Variants in MCF2L observed in about 807,000 individuals in gnomAD.
MCF2L encodes MCF.2 cell line derived transforming sequence like.
MCF2L carries 97 observed loss-of-function variants against 153.4 expected under a neutral mutation model. That is an observed-to-expected ratio of 0.63 (90% CI 0.54 to 0.75). MCF2L has a LOEUF of 0.75. MCF2L is among the 30% of genes least tolerant of loss of function. The pLI, the probability that MCF2L is intolerant of heterozygous loss-of-function variation, is 0.00. For synonymous variants in MCF2L, 659 were observed against 632.2 expected (o/e 1.04, Z -0.64); for missense variants, 1,347 against 1,495.2 (o/e 0.90, Z 1.64).
intron 2 of MCF2L, among the ~76,000 whole-genome samples, chr13:113,022,186 G>A (rs2084923093): frequency 6.6e-6 from 1 of 152,164 alleles, no homozygotes; most frequent in Admixed American, 6.5e-5. Flanking sequence ...CCAGTGCTGA[G>A]AGGGAGCCAC....
At chr13:112,914,272 G>C (rs1238441928) in intron 2 of MCF2L, among the ~76,000 whole-genome samples, 4 of 151,998 alleles carry the variant, frequency 2.6e-5, no homozygotes, top group African/African-American at 9.7e-5. Flanking sequence ...CTCCTTTTTT[G>C]TACAAAAGGT....
intron 9 of MCF2L, among the ~76,000 whole-genome samples, chr13:113,073,990 C>T (rs1030895978): frequency 1.3e-5 from 2 of 152,158 alleles, no homozygotes; most frequent in Non-Finnish European, 2.9e-5. Context: ...CAGCAGAAAT[C>T]GTAGACATTA....
At chr13:112,934,249 C>CA (rs1053726618) in intron 2 of MCF2L, among the ~76,000 whole-genome samples, 21 of 152,230 alleles carry the variant, frequency 1.4e-4, no homozygotes, top group African/African-American at 5.1e-4. Flanking sequence ...CAGCAGCCTG[C>CA]AGGGCACACG....
At chr13:113,043,196 C>A (rs937041963) in intron 3 of MCF2L, 3 of 152,264 alleles carry the variant, frequency 2.0e-5, no homozygotes, top group Non-Finnish European at 4.4e-5. Flanking sequence ...TGAGCCCCTC[C>A]CGCCCAACAC....
At chr13:113,092,251 C>T (rs1223698819) in intron 26 of MCF2L, among the ~76,000 whole-genome samples, 4 of 152,252 alleles carry the variant, frequency 2.6e-5, no homozygotes, top group African/African-American at 9.6e-5. Flanking sequence ...CCAAGCTCAG[C>T]CTCTGCTTCC....
At position 112,983,213 on chromosome 13, in the gene MCF2L, GT is replaced by G. The variant is rs1003249721; in HGVS notation, c.79+13757del. 6.6e-6 allele frequency among the ~76,000 whole-genome samples: 1 copy of G among 152,144 alleles called. No homozygotes were observed. Among genetic ancestry groups the G allele is most frequent in the Non-Finnish European group, 1.5e-5 (1 of 68,006 alleles). On this transcript the variant is annotated intron_variant, in intron 1 of 29. Transcript: ENST00000535094. The surrounding 1 kb of genome is among the most constrained non-coding windows in gnomAD (Gnocchi z 4.0). ...CCCCTCACACAGGTCTAGGTTGCAG[GT>G]TCATGGCAGCTGGGTAGGGACGGGA... is the stretch of plus-strand genomic sequence containing the variant.
chr13:113,043,820 C>G (rs945454727), intron 3 of MCF2L: 1 of 152,320 alleles, frequency 6.6e-6, no homozygotes. Context: ...ACCTCAGACT[C>G]CCCAGTAGCT....
chr13:113,084,820 G>T, intron 18 of MCF2L, 72 bp from the exon 19 acceptor site: 1 of 1,162,250 alleles, frequency 8.6e-7, no homozygotes, highest in Non-Finnish European at 1.3e-6. Context: ...GCGTAATGCG[G>T]TGCCCGTCCC....
intron 1 of MCF2L, chr13:113,001,924 G>C: frequency 6.3e-7 from 1 of 1,594,550 alleles, no homozygotes; most frequent in Non-Finnish European, 8.5e-7. Context: ...ACGGTGCGCC[G>C]GCTGTCACTG....
In MCF2L at chr13:113,085,916, C is replaced by G. The variant is rs143776726; in HGVS notation, c.2248-208C>G. 3.1e-3 allele frequency among the ~76,000 whole-genome samples: 473 copies of G among 150,990 alleles called. 5 individuals carry two copies. The highest frequency in any genetic ancestry group is 0.011 in the African/African-American group (445 of 41,116). On this transcript the variant is annotated intron_variant, in intron 20 of 29. Transcript: ENST00000535094. ...GAGGGAGCTCCCCGGGGAGCAGGTG[C>G]CAAGGGTCTGCACCTGGCAGGGGTG... is the stretch of plus-strand genomic sequence containing the variant.
At chr13:113,023,447 C>T (rs1364446437) in intron 2 of MCF2L, among the ~76,000 whole-genome samples, 2 of 152,074 alleles carry the variant, frequency 1.3e-5, no homozygotes, top group Non-Finnish European at 2.9e-5. Flanking sequence ...TGGCCAAGAC[C>T]CAGAAGCAGA....
At chr13:113,089,967 G>T in intron 26 of MCF2L, 1 of 1,597,682 alleles carries the variant, frequency 6.3e-7, no homozygotes. Context: ...TCGGCCGAGC[G>T]TGCAACCCGG....
At chr13:112,984,123 C>T (rs1045795616) in intron 1 of MCF2L, among the ~76,000 whole-genome samples, 23 of 152,324 alleles carry the variant, frequency 1.5e-4, no homozygotes, top group African/African-American at 4.1e-4. Flanking sequence ...GCAGCACCCT[C>T]GCCGGGTGCC....
rs553637590 is a variant in MCF2L at position 112,993,024 on chromosome 13, C to T, written c.80-21739C>T. Among the ~76,000 whole-genome samples, 60 of 152,362 alleles carry T rather than the reference C, an allele frequency of 3.9e-4. No individual in the cohort carries two copies. Among genetic ancestry groups the T allele is most frequent in the Non-Finnish European group, 6.8e-4 (46 of 68,040 alleles). On this transcript the variant is annotated intron_variant, in intron 1 of 29. Transcript: ENST00000535094. This position sits in a 1 kb window ranked among gnomAD's most constrained non-coding sequence, Gnocchi z 4.6. ...ACGTGCGCGGGCATCAGGCAGGAGTCCATGGGCCATGGGGGTGAGGAGAGA... is the reference window on the plus strand; with the variant it reads ...ACGTGCGCGGGCATCAGGCAGGAGTTCATGGGCCATGGGGGTGAGGAGAGA...
rs115827966 is a variant in MCF2L, at chr13:113,081,391, G to A, written c.1875+112G>A. On this transcript the variant is annotated intron_variant, in intron 16 of 29. Transcript: ENST00000535094. ...GCAGCCTGCTGTCCACCAAATGCATGTGAGAGAGCGCCCACAGCAGCCTGG... is the reference window on the plus strand; with the variant it reads ...GCAGCCTGCTGTCCACCAAATGCATATGAGAGAGCGCCCACAGCAGCCTGG... 521 of 1,066,700 alleles carry A rather than the reference G, an allele frequency of 4.9e-4. 5 individuals carry two copies. In the African/African-American group the frequency reaches 7.1e-3, roughly 15 times the overall value. The allele number at this position is 1,066,700 out of a possible 1,614,324, so 66.1% of individuals were successfully genotyped here.
intron 1 of MCF2L, among the ~76,000 whole-genome samples, chr13:112,986,565 C>G (rs1186980187): frequency 6.6e-6 from 1 of 152,220 alleles, no homozygotes; most frequent in Non-Finnish European, 1.5e-5. Context: ...CCCGGGAGAC[C>G]ACGGGGTGTC....
At chr13:112,995,089 T>A (rs1424845390) in intron 1 of MCF2L, among the ~76,000 whole-genome samples, 1 of 152,232 alleles carries the variant, frequency 6.6e-6, no homozygotes, top group Non-Finnish European at 1.5e-5. Context: ...CTCACGTGTG[T>A]CTGCCCCTCC....
At chr13:113,084,650 C>T in intron 18 of MCF2L, 1 of 571,172 alleles carries the variant, frequency 1.8e-6, no homozygotes, top group East Asian at 2.9e-5. Context: ...CGCCTGTGCT[C>T]TGGGAAGTCA....
chr13:113,084,354 T>C (rs548581676), intron 18 of MCF2L, among the ~76,000 whole-genome samples: 5 of 42,698 alleles, frequency 1.2e-4, no homozygotes, highest in Non-Finnish European at 3.3e-4. Flanking sequence ...CCCAGAACCT[T>C]CTGTACCCCC....
Sources: gnomAD v4.1 joint callset for allele counts (sites outside exome capture counted in the v4.1 genomes callset) on GRCh38, gnomAD v4.1.1 for gene constraint, Gnocchi (gnomAD v3.1) non-coding constraint, MANE v1.5 for transcripts, NCBI Gene and HGNC (gene_info 2026-07-23, HGNC 2026-07-21) for gene names.